Variants in NDST4 observed in about 807,000 individuals in gnomAD.
NDST4 encodes the protein N-deacetylase and N-sulfotransferase 4.
A neutral mutation model predicts 100.8 loss-of-function variants in NDST4; 63 were observed. That is an observed-to-expected ratio of 0.62 (90% CI 0.51 to 0.77). The LOEUF (loss-of-function observed/expected upper bound fraction) is 0.77. Ranked by LOEUF, NDST4 falls within the 30% of genes least tolerant of loss-of-function variation. NDST4 has a pLI of 0.00. For synonymous variants in NDST4, 377 were observed against 361.8 expected (o/e 1.04, Z -0.48); for missense variants, 943 against 1,018.4 (o/e 0.93, Z 1.01).
intron 13 of NDST4, 69 bp downstream of exon 13, chr4:114,829,721 T>C: frequency 9.0e-7 from 1 of 1,108,098 alleles, no homozygotes. Context: ...AAATTTCTTG[T>C]TACTAGTTTT....
intron 2 of NDST4, among the ~76,000 whole-genome samples, chr4:115,003,400 G>A (rs146729422): frequency 1.4e-3 from 218 of 152,202 alleles, no homozygotes; most frequent in African/African-American, 5.0e-3. Flanking sequence ...CAAAGCTGAT[G>A]CATGATTACA....
intron 7 of NDST4, among the ~76,000 whole-genome samples, chr4:114,855,154 G>T (rs1037336023): frequency 6.6e-6 from 1 of 151,670 alleles, no homozygotes; most frequent in African/African-American, 2.4e-5. Flanking sequence ...CTATAGAGTT[G>T]TTTGAATCCC....
intron 6 of NDST4, among the ~76,000 whole-genome samples, chr4:114,923,811 C>T (rs1372550098): frequency 6.6e-6 from 1 of 151,608 alleles, no homozygotes; most frequent in Non-Finnish European, 1.5e-5. Flanking sequence ...TTTATTTATG[C>T]TAAAGAGCTA....
intron 7 of NDST4, among the ~76,000 whole-genome samples, chr4:114,867,698 C>T (rs527628918): frequency 2.8e-5 from 4 of 144,678 alleles, no homozygotes; most frequent in African/African-American, 1.0e-4. Context: ...AAAAGAAACC[C>T]TATTCTTTTA....
intron 1 of NDST4, among the ~76,000 whole-genome samples, chr4:115,105,628 G>A (rs1008747720): frequency 6.6e-6 from 1 of 152,010 alleles, no homozygotes; most frequent in African/African-American, 2.4e-5. Flanking sequence ...AGAAATCTTG[G>A]TAGCCAGCAT....
chr4:114,848,478 G>A (rs1402596911), intron 8 of NDST4, 140 bp from the exon 9 acceptor site: 8 of 622,234 alleles, frequency 1.3e-5, no homozygotes, highest in South Asian at 2.3e-5. Flanking sequence ...TCAACTAGAT[G>A]CATTCCATGC....
chr4:114,994,767 T>G (rs544284455), intron 2 of NDST4, among the ~76,000 whole-genome samples: 2 of 152,188 alleles, frequency 1.3e-5, no homozygotes, highest in African/African-American at 4.8e-5. Context: ...GAAAAAATCT[T>G]ATCCTCTTGG....
At chr4:114,937,916 A>G (rs1725666248) in intron 4 of NDST4, among the ~76,000 whole-genome samples, 1 of 152,066 alleles carries the variant, frequency 6.6e-6, no homozygotes. Flanking sequence ...GAAGAAAATC[A>G]GAAAGGTAAC....
At position 114,959,444 on chromosome 4, in the gene NDST4, G is replaced by T. The variant is rs182835477; in HGVS notation, c.1221+10986C>A. Among the ~76,000 whole-genome samples the T allele has an allele frequency of 2.5e-3, 384 of 152,262 alleles. 1 individual carries two copies. Among genetic ancestry groups the T allele is most frequent in the African/African-American group, 8.9e-3 (370 of 41,550 alleles). On this transcript the variant is annotated intron_variant, in intron 4 of 13. Transcript: ENST00000264363. ...TTTCACATGGCTGAGAAAGCCTTAT[G>T]ATCATGATGGAAGGTGAAGGAGGAG...
chr4:114,880,997 A>C (rs1369578977), intron 6 of NDST4, among the ~76,000 whole-genome samples: 1 of 152,126 alleles, frequency 6.6e-6, no homozygotes, highest in African/African-American at 2.4e-5. Context: ...GCCTTCTAGA[A>C]ACTAAAAGTT....
chr4:114,908,674 C>T (rs182939208), intron 6 of NDST4, among the ~76,000 whole-genome samples: 34 of 152,236 alleles, frequency 2.2e-4, no homozygotes, highest in Admixed American at 4.6e-4. Flanking sequence ...ATTTTCCTCG[C>T]TTGTCTCAGA....
intron 7 of NDST4, among the ~76,000 whole-genome samples, chr4:114,855,416 T>C (rs1258098281): frequency 1.3e-5 from 2 of 152,202 alleles, no homozygotes; most frequent in Non-Finnish European, 2.9e-5. Context: ...AGGTCTTAGT[T>C]TTAAGTCTTT....
chr4:114,937,201 T>C, intron 5 of NDST4, 117 bp downstream of exon 5: 1 of 1,020,104 alleles, frequency 9.8e-7, no homozygotes, highest in Middle Eastern at 3.2e-4. Flanking sequence ...ATGTTAGGTA[T>C]TTCTGATAAT....
chr4:114,948,747 G>T (rs1441634145), intron 4 of NDST4, among the ~76,000 whole-genome samples: 11 of 151,960 alleles, frequency 7.2e-5, no homozygotes, highest in Non-Finnish European at 1.2e-4. Context: ...TTTGAATATT[G>T]CTCAAGTTAC....
intron 2 of NDST4, among the ~76,000 whole-genome samples, chr4:115,073,038 G>T (rs1729108765): frequency 6.6e-6 from 1 of 151,968 alleles, no homozygotes; most frequent in Admixed American, 6.6e-5. Context: ...TTTCTCAAAA[G>T]AAAACATAAA....
At chr4:114,910,657 G>A (rs186388053) in intron 6 of NDST4, among the ~76,000 whole-genome samples, 2 of 152,020 alleles carry the variant, frequency 1.3e-5, no homozygotes, top group Non-Finnish European at 2.9e-5. Context: ...TTGTTATGTA[G>A]CACTTGAACT....
intron 1 of NDST4, among the ~76,000 whole-genome samples, chr4:115,079,970 A>T (rs1164350152): frequency 1.3e-5 from 2 of 152,174 alleles, no homozygotes; most frequent in Admixed American, 1.3e-4. Flanking sequence ...TATTTTAAAT[A>T]TTTTAACACT....
intron 6 of NDST4, among the ~76,000 whole-genome samples, chr4:114,906,376 A>ATT (rs150991030): frequency 0.018 from 2,761 of 150,814 alleles, 92 homozygotes; most frequent in African/African-American, 0.063. Flanking sequence ...CTCTAGCGGC[A>ATT]TTTTTTTTTG....
intron 2 of NDST4, among the ~76,000 whole-genome samples, chr4:115,063,815 C>T (rs999932458): frequency 1.3e-5 from 2 of 151,728 alleles, no homozygotes; most frequent in African/African-American, 4.8e-5. Flanking sequence ...ACTTTGCTAG[C>T]TTCTTACCAA....
Sources: allele counts gnomAD v4.1 joint callset (sites outside exome capture counted in the v4.1 genomes callset), GRCh38; gene constraint gnomAD v4.1.1; transcripts MANE v1.5; gene names NCBI Gene and HGNC (gene_info 2026-07-23, HGNC 2026-07-21).